Variants in GATAD2A observed in about 807,000 individuals in gnomAD.
GATAD2A encodes GATA zinc finger domain containing 2A.
In GATAD2A, 12 loss-of-function variants were observed where a neutral mutation model predicts 68.5. That is an observed-to-expected ratio of 0.18 (90% CI 0.11 to 0.28). GATAD2A has a LOEUF of 0.28. Ranked by LOEUF, GATAD2A falls within the 10% of genes least tolerant of loss-of-function variation. The pLI, the probability that GATAD2A is intolerant of heterozygous loss-of-function variation, is 1.00. For missense variants in GATAD2A, 755 were observed against 868.5 expected, an observed-to-expected ratio of 0.87 and a Z score of 1.64; for synonymous variants, 410 against 375.3, an observed-to-expected ratio of 1.09 and a Z score of -1.07.
chr19:19,424,062 CT>C (rs1033834432), intron 1 of GATAD2A, among the ~76,000 whole-genome samples: 1 of 151,840 alleles, frequency 6.6e-6, no homozygotes, highest in African/African-American at 2.4e-5. Flanking sequence ...TAACTTGGGA[CT>C]ACAGGTATGC....
chr19:19,413,309 G>A (rs892127414), intron 1 of GATAD2A, among the ~76,000 whole-genome samples: 1 of 152,222 alleles, frequency 6.6e-6, no homozygotes, highest in African/African-American at 2.4e-5. Flanking sequence ...GGAGAAAGTA[G>A]GAGAGTGGTG....
intron 1 of GATAD2A, among the ~76,000 whole-genome samples, chr19:19,434,772 C>A (rs550049211): frequency 3.3e-5 from 5 of 152,116 alleles, no homozygotes; most frequent in African/African-American, 1.2e-4. Context: ...AAGAGAAGTT[C>A]CTGAATATTG....
At chr19:19,385,907 C>T (rs1448532458) in exon 1 of GATAD2A, 1 of 149,848 alleles carries the variant, frequency 6.7e-6, no homozygotes, top group African/African-American at 2.4e-5. Flanking sequence ...TCCTCCCGCC[C>T]AGGGTCAGCG....
intron 1 of GATAD2A, among the ~76,000 whole-genome samples, chr19:19,399,511 A>G (rs1437676431): frequency 6.6e-6 from 1 of 152,144 alleles, no homozygotes; most frequent in Non-Finnish European, 1.5e-5. Flanking sequence ...CTTTCACTGC[A>G]TTTTCAAACT....
rs1220918049 is a variant in GATAD2A at position 19,506,135 on chromosome 19, G to A, written c.*661G>A. The A allele has an allele frequency of 7.5e-6, 3 of 398,858 alleles. No individual in the cohort carries two copies. The highest frequency in any genetic ancestry group is 1.3e-4 in the South Asian group (1 of 7,870). 24.7% of individuals were successfully genotyped at this position (398,858 alleles called of 1,614,324 possible). A position where few individuals can be genotyped will look rare whatever the true frequency, so the allele number is the denominator to read the frequency against. On this transcript the variant is annotated 3_prime_UTR_variant, in exon 12 of 12. Transcript: ENST00000683918. ...TGGCAGGGACGGCCGGCCCGCCCCC[G>A]TGACTGACTGACAGATGCAGGGATG...
At chr19:19,425,075 A>C (rs1490796028) in intron 1 of GATAD2A, among the ~76,000 whole-genome samples, 1 of 152,034 alleles carries the variant, frequency 6.6e-6, no homozygotes, top group African/African-American at 2.4e-5. Context: ...AAAAAAAAAA[A>C]AAAAACCCAA....
At chr19:19,482,276 C>T (rs553413847) in intron 2 of GATAD2A, among the ~76,000 whole-genome samples, 3 of 151,886 alleles carry the variant, frequency 2.0e-5, no homozygotes, top group Admixed American at 6.6e-5. Context: ...TGGTAGTGGG[C>T]GCCTGTAGTC....
At chr19:19,454,530 C>T (rs985375733) in intron 1 of GATAD2A, among the ~76,000 whole-genome samples, 9 of 151,148 alleles carry the variant, frequency 6.0e-5, no homozygotes, top group Non-Finnish European at 1.0e-4. Flanking sequence ...ACCTGGGAGG[C>T]GGAGGTTGCA....
In GATAD2A at chr19:19,505,587, A is replaced by G; in HGVS notation, c.*113A>G. The G allele has an allele frequency of 1.1e-6, 1 of 934,496 alleles. No homozygotes were observed. Among genetic ancestry groups the G allele is most frequent in the Non-Finnish European group, 1.5e-6 (1 of 646,844 alleles). 57.9% of individuals were successfully genotyped at this position (934,496 alleles called of 1,614,324 possible). ...CTCGGGAAGACACCGTGCCCGCCCC[A>G]AGAGCAAGCACCGGCCATGCTGCAG... is the stretch of plus-strand genomic sequence containing the variant. On this transcript the variant is annotated 3_prime_UTR_variant, in exon 12 of 12. Coordinates refer to ENST00000683918, the MANE Select transcript of GATAD2A (RefSeq NM_001384528.1).
At chr19:19,397,574 A>T (rs1459399158) in intron 1 of GATAD2A, among the ~76,000 whole-genome samples, 1 of 152,198 alleles carries the variant, frequency 6.6e-6, no homozygotes, top group African/African-American at 2.4e-5. Flanking sequence ...AATGATGGCC[A>T]GTGAAATCAG....
rs750661945 is a variant in GATAD2A at position 19,495,803 on chromosome 19, G to A, written c.674G>A (p.Arg225Gln). 3.1e-6 allele frequency: 5 copies of A among 1,613,754 alleles called. No homozygotes were observed. The highest frequency in any genetic ancestry group is 3.3e-5 in the Admixed American group (2 of 60,016). The change falls in exon 6 of 12, where the codon CGA (arginine) becomes CAA (glutamine). Residue 225 changes from arginine (R) to glutamine (Q), a missense_variant. Arg to Gln is a conservative substitution (Grantham distance 43). Coordinates refer to ENST00000683918, the MANE Select transcript of GATAD2A (RefSeq NM_001384528.1). ...AGTGTCATACCCCCGCCCCTGGTCC[G>A]AGGTGGGCAGCAGGCGTCCTCGAAG... ...PGSVIPPPLV[R>Q]GGQQASSKLG...
In GATAD2A at chr19:19,508,762, GT is replaced by G. The variant is rs2060973285; in HGVS notation, c.*3289del. On this transcript the variant is annotated 3_prime_UTR_variant, in exon 12 of 12. Coordinates refer to ENST00000683918, the MANE Select transcript of GATAD2A (RefSeq NM_001384528.1). ...TCTTTGGGTGTGGAGGCTGTCACTTGTATTTATTGTGACTCTAAATCTTTGA... is the reference window on the plus strand; with the variant it reads ...TCTTTGGGTGTGGAGGCTGTCACTTGATTTATTGTGACTCTAAATCTTTGA... 2.0e-5 allele frequency: 3 copies of G among 152,174 alleles called. No individual in the cohort carries two copies. Among genetic ancestry groups the G allele is most frequent in the Non-Finnish European group, 4.4e-5 (3 of 68,036 alleles). 9.4% of individuals were successfully genotyped at this position (152,174 alleles called of 1,614,324 possible).
At chr19:19,387,177 T>C (rs1282396003) in intron 1 of GATAD2A, among the ~76,000 whole-genome samples, 6 of 151,868 alleles carry the variant, frequency 4.0e-5, no homozygotes, top group Non-Finnish European at 1.5e-5. Flanking sequence ...CCACCTTTTG[T>C]GGACCCCTGG....
intron 2 of GATAD2A, 115 bp downstream of exon 2, chr19:19,465,729 A>G: frequency 8.1e-7 from 1 of 1,239,594 alleles, no homozygotes; most frequent in African/African-American, 1.5e-5. Flanking sequence ...GGTTGTGGAG[A>G]GGGCTGTAGG....
chr19:19,435,587 T>C (rs1396380365), intron 1 of GATAD2A, among the ~76,000 whole-genome samples: 10 of 152,194 alleles, frequency 6.6e-5, no homozygotes, highest in Non-Finnish European at 4.4e-5. Flanking sequence ...CGGTGGCTCA[T>C]GCCTGTAATC....
At chr19:19,476,360 C>G (rs892241828) in intron 2 of GATAD2A, among the ~76,000 whole-genome samples, 1 of 152,222 alleles carries the variant, frequency 6.6e-6, no homozygotes, top group Admixed American at 6.5e-5. Flanking sequence ...AGCATGTATT[C>G]CTGCTGTTGT....
chr19:19,400,329 G>C (rs143717502), intron 1 of GATAD2A, among the ~76,000 whole-genome samples: 5 of 152,308 alleles, frequency 3.3e-5, no homozygotes, highest in African/African-American at 1.2e-4. Context: ...ACCCTGCGCT[G>C]CAGAAACACT....
At chr19:19,463,499 T>TGAGCAG (rs1034355111) in intron 1 of GATAD2A, among the ~76,000 whole-genome samples, 2 of 149,332 alleles carry the variant, frequency 1.3e-5, no homozygotes, top group Admixed American at 6.6e-5. Context: ...GAGGGGCAGC[T>TGAGCAG]GAGCAGGAGC....
chr19:19,405,697 G>A lies in GATAD2A; in HGVS notation c.-329G>A, dbSNP rs184011618. The A allele has an allele frequency of 6.6e-6, 1 of 150,450 alleles. No homozygotes were observed. The highest frequency in any genetic ancestry group is 2.4e-5 in the African/African-American group (1 of 41,290). The allele number at this position is 150,450 out of a possible 1,614,324, so 9.3% of individuals were successfully genotyped here. A position where few individuals can be genotyped will look rare whatever the true frequency, so the allele number is the denominator to read the frequency against. ...GCCACGCCCCGCCCAGCCGGGCGCG[G>A]GCGGGCGGCGTCGCCTTTAAGAGCT... is the stretch of plus-strand genomic sequence containing the variant. On this transcript the variant is annotated 5_prime_UTR_variant, in exon 1 of 12. Transcript: ENST00000683918.
Sources: allele counts gnomAD v4.1 joint callset (sites outside exome capture counted in the v4.1 genomes callset), GRCh38; gene constraint gnomAD v4.1.1; transcripts MANE v1.5; gene names NCBI Gene and HGNC (gene_info 2026-07-23, HGNC 2026-07-21).